Variants in ATG7 observed in about 807,000 individuals in gnomAD.
ATG7 encodes the protein ubiquitin-like modifier-activating enzyme ATG7.
A neutral mutation model predicts 82.4 loss-of-function variants in ATG7; 70 were observed. That is an observed-to-expected ratio of 0.85 (90% CI 0.70 to 1.04). The LOEUF (loss-of-function observed/expected upper bound fraction) is 1.04, where lower values mean the gene tolerates loss of function less well. Among genes scored for constraint, ATG7 ranks in the 50% least tolerant of loss-of-function variants. ATG7 has a pLI of 0.00. For missense variants in ATG7, 792 were observed against 864.3 expected (o/e 0.92, Z 1.05); for synonymous variants, 287 against 313.0 (o/e 0.92, Z 0.88).
At chr3:11,475,030 CTT>C (rs541118972) in intron 20 of ATG7, among the ~76,000 whole-genome samples, 7 of 144,334 alleles carry the variant, frequency 4.8e-5, no homozygotes, top group Admixed American at 6.9e-5. Context: ...AGTGACTTAA[CTT>C]TTTTTTTTTT....
chr3:11,309,103 C>A, intron 7 of ATG7, 42 bp downstream of exon 7: 5 of 1,549,732 alleles, frequency 3.2e-6, no homozygotes, highest in South Asian at 1.1e-5. Flanking sequence ...TTGGTGAAAT[C>A]CCCTGGCTTA....
chr3:11,365,681 C>T (rs1322778079), intron 18 of ATG7, among the ~76,000 whole-genome samples: 5 of 152,148 alleles, frequency 3.3e-5, no homozygotes, highest in African/African-American at 1.2e-4. Context: ...TCTTCCTCCT[C>T]GCCACCCACC....
intron 20 of ATG7, among the ~76,000 whole-genome samples, chr3:11,428,982 T>C (rs892661976): frequency 6.6e-6 from 1 of 152,162 alleles, no homozygotes; most frequent in Admixed American, 6.5e-5. Context: ...ACTAAATAGA[T>C]GGTGGAGCAG....
chr3:11,513,628 C>T (rs1244792600), intron 20 of ATG7, among the ~76,000 whole-genome samples: 2 of 152,232 alleles, frequency 1.3e-5, no homozygotes, highest in Admixed American at 6.5e-5. Flanking sequence ...GCCTCTCCCT[C>T]CACACCTCCC....
chr3:11,437,728 C>T (rs1305293478), intron 20 of ATG7, among the ~76,000 whole-genome samples: 1 of 152,266 alleles, frequency 6.6e-6, no homozygotes, highest in East Asian at 1.9e-4. Flanking sequence ...ACTCCCCCGA[C>T]GTCTTATCAC....
Position 11,299,165 on chromosome 3 carries a change from T to C in ATG7, c.161-197T>C, listed in dbSNP as rs1025349915. 4.9e-6 allele frequency: 3 copies of C among 608,224 alleles called. No individual in the cohort carries two copies. The African/African-American group carries it at 5.5e-5, about 11-fold the overall frequency. 37.7% of individuals were successfully genotyped at this position (608,224 alleles called of 1,614,324 possible). Reference sequence around the variant, plus strand: ...ATCTTTTTTATATTCTTGGCGAATGTCTCATATTCACAAGAGCTCTGTCAC... The same window carrying C: ...ATCTTTTTTATATTCTTGGCGAATGCCTCATATTCACAAGAGCTCTGTCAC... On this transcript the variant is annotated intron_variant, in intron 4 of 20. Coordinates refer to ENST00000693202, the MANE Select transcript of ATG7 (RefSeq NM_001349232.2).
chr3:11,448,751 C>T (rs1205628666), intron 20 of ATG7, among the ~76,000 whole-genome samples: 5 of 152,154 alleles, frequency 3.3e-5, no homozygotes, highest in Non-Finnish European at 7.4e-5. Flanking sequence ...TTTCTTGAGG[C>T]AACAGAGGCA....
intron 20 of ATG7, among the ~76,000 whole-genome samples, chr3:11,452,861 A>G (rs776071522): frequency 1.3e-5 from 2 of 152,198 alleles, no homozygotes; most frequent in South Asian, 2.1e-4. Flanking sequence ...TAACACCTCC[A>G]TGTTACCAGC....
intron 20 of ATG7, among the ~76,000 whole-genome samples, chr3:11,471,778 C>T (rs759978737): frequency 8.6e-6 from 1 of 116,142 alleles, no homozygotes; most frequent in African/African-American, 3.3e-5. Context: ...TAGTCTCTAT[C>T]GCCCAGGCTG....
chr3:11,388,310 G>A (rs1260103011), intron 19 of ATG7, among the ~76,000 whole-genome samples: 1 of 152,142 alleles, frequency 6.6e-6, no homozygotes, highest in East Asian at 1.9e-4. Context: ...CCAACTGGGT[G>A]ATGGAGGACG....
intron 20 of ATG7, among the ~76,000 whole-genome samples, chr3:11,486,405 T>C (rs2089652115): frequency 6.6e-6 from 1 of 152,250 alleles, no homozygotes; most frequent in Admixed American, 6.5e-5. Flanking sequence ...GAGACTTTGC[T>C]GAAGTTGCTT....
chr3:11,325,784 C>T (rs1174721008), intron 9 of ATG7, among the ~76,000 whole-genome samples: 1 of 152,000 alleles, frequency 6.6e-6, no homozygotes, highest in Non-Finnish European at 1.5e-5. Flanking sequence ...GATTAAGGGC[C>T]CAGGTTTATG....
intron 20 of ATG7, among the ~76,000 whole-genome samples, chr3:11,456,556 A>G (rs2085736037): frequency 6.6e-6 from 1 of 152,150 alleles, no homozygotes; most frequent in Non-Finnish European, 1.5e-5. Flanking sequence ...TTTTGGCAAT[A>G]TGATATATTC....
intron 20 of ATG7, among the ~76,000 whole-genome samples, chr3:11,552,738 C>G (rs546174388): frequency 6.6e-6 from 1 of 152,342 alleles, no homozygotes; most frequent in Admixed American, 6.5e-5. Flanking sequence ...CTGCACAGCT[C>G]AGGCACTGCC....
chr3:11,508,753 A>G (rs1235616027), intron 20 of ATG7, among the ~76,000 whole-genome samples: 1 of 152,186 alleles, frequency 6.6e-6, no homozygotes, highest in Non-Finnish European at 1.5e-5. Context: ...GCACAGCCCT[A>G]TGTAGCCTAT....
chr3:11,391,960 G>GC (rs1009375782), intron 19 of ATG7, among the ~76,000 whole-genome samples: 11 of 139,444 alleles, frequency 7.9e-5, no homozygotes, highest in East Asian at 6.9e-4. Context: ...GTACTTATTG[G>GC]GGGGGGGGTA....
At chr3:11,306,665 A>G (rs946191532) in intron 5 of ATG7, among the ~76,000 whole-genome samples, 5 of 152,238 alleles carry the variant, frequency 3.3e-5, no homozygotes, top group Non-Finnish European at 7.3e-5. Flanking sequence ...AAGGTGGGAA[A>G]GAAGAACAAA....
At chr3:11,497,017 A>G (rs1196876544) in intron 20 of ATG7, among the ~76,000 whole-genome samples, 1 of 151,156 alleles carries the variant, frequency 6.6e-6, no homozygotes, top group African/African-American at 2.4e-5. Context: ...ATGCCCAGCT[A>G]ATTTTTGTAT....
intron 20 of ATG7, among the ~76,000 whole-genome samples, chr3:11,536,284 T>TTG (rs1240662070): frequency 1.3e-5 from 2 of 152,214 alleles, no homozygotes; most frequent in African/African-American, 4.8e-5. Context: ...ATACAGCCCC[T>TTG]CATCAGCGCT....
Sources: allele counts gnomAD v4.1 joint callset (sites outside exome capture counted in the v4.1 genomes callset), GRCh38; gene constraint gnomAD v4.1.1; transcripts MANE v1.5; gene names NCBI Gene and HGNC (gene_info 2026-07-23, HGNC 2026-07-21).